ABR: variants seen among roughly 807,000 people sequenced by gnomAD.
ABR encodes the protein ABR activator of RhoGEF and GTPase.
Under a neutral mutation model 107.2 loss-of-function variants are expected in ABR, and 35 were observed. That is an observed-to-expected ratio of 0.33 (90% CI 0.25 to 0.43). ABR has a LOEUF of 0.43. Ranked by LOEUF, ABR falls within the 20% of genes least tolerant of loss-of-function variation. The probability of loss-of-function intolerance (pLI) is 1.00; values close to 1 mark genes in which losing one functional copy is unlikely to be tolerated. For synonymous variants in ABR, 498 were observed against 462.0 expected (o/e 1.08, Z -1.00); for missense variants, 815 against 1,115.2 (o/e 0.73, Z 3.83).
At chr17:1,101,894 C>T (rs924035459) in intron 2 of ABR, among the ~76,000 whole-genome samples, 6 of 152,066 alleles carry the variant, frequency 3.9e-5, no homozygotes, top group Non-Finnish European at 8.8e-5. Context: ...CCACCACGCC[C>T]AGCTAACTTT....
intron 1 of ABR, chr17:1,178,084 T>C (rs932175895): frequency 6.6e-6 from 1 of 152,174 alleles, no homozygotes; most frequent in African/African-American, 2.4e-5. Flanking sequence ...GGAAGGAACA[T>C]GGATGGAGGA....
intron 10 of ABR, among the ~76,000 whole-genome samples, chr17:1,064,115 G>A (rs56039641): frequency 5.1e-3 from 404 of 79,178 alleles, no homozygotes; most frequent in African/African-American, 0.012. Flanking sequence ...AGACACTGTT[G>A]TTATGTGAAC....
At chr17:1,007,107 A>G (rs1019425841) in intron 22 of ABR, 58 bp downstream of exon 22, 1 of 489,144 alleles carries the variant, frequency 2.0e-6, no homozygotes, top group Non-Finnish European at 3.6e-6. Context: ...TACCTGCGCC[A>G]TGACGTCATG....
At chr17:1,109,172 C>G (rs1486253140) in intron 2 of ABR, 1 of 1,374,442 alleles carries the variant, frequency 7.3e-7, no homozygotes, top group African/African-American at 1.5e-5. Flanking sequence ...CAGGTCTACA[C>G]CCGCGCGCCC....
At chr17:1,079,220 C>T (rs1313739718) in intron 6 of ABR, 110 bp downstream of exon 6, 12 of 1,511,328 alleles carry the variant, frequency 7.9e-6, no homozygotes, top group South Asian at 6.1e-5. Context: ...CGCTCACACG[C>T]GCTCACACAC....
chr17:1,143,503 TCGC>T (rs2040399403), intron 1 of ABR, among the ~76,000 whole-genome samples: 1 of 31,904 alleles, frequency 3.1e-5, no homozygotes, highest in Non-Finnish European at 1.2e-4. Context: ...GGGGGGCAGC[TCGC>T]TCCTGGGGGA....
chr17:1,027,311 G>A lies in ABR; in HGVS notation c.1792-14147C>T, dbSNP rs984558480. 2.6e-5 allele frequency among the ~76,000 whole-genome samples: 4 copies of A among 152,228 alleles called. No individual in the cohort carries two copies. The highest frequency in any genetic ancestry group is 2.6e-4 in the Admixed American group (4 of 15,284). On this transcript the variant is annotated intron_variant, in intron 16 of 22. Transcript: ENST00000302538. The surrounding 1 kb of genome is among the most constrained non-coding windows in gnomAD (Gnocchi z 4.7). ...GACCAGCGCCCTTCTACCCTCCCTA[G>A]GTACCAAGAAGCGGCACCTTGCCAA...
intron 1 of ABR, among the ~76,000 whole-genome samples, chr17:1,176,443 C>A (rs978542601): frequency 2.0e-5 from 3 of 152,214 alleles, no homozygotes; most frequent in Admixed American, 2.0e-4. Context: ...TCCAGCTCAG[C>A]CATTTGTTAC....
At chr17:1,007,596 C>T (rs2070156954) in intron 21 of ABR, among the ~76,000 whole-genome samples, 1 of 152,238 alleles carries the variant, frequency 6.6e-6, no homozygotes, top group South Asian at 2.1e-4. Flanking sequence ...CCAACTCCAG[C>T]TCCCTTGCCT....
In ABR at chr17:1,154,024, C is replaced by A. The variant is rs967360281; in HGVS notation, c.61+25643G>T. ...CAGCTCACATGGCTCTGCTCCCACT[C>A]GGGGGCGGGCGCGTGGGAGGACCAA... On this transcript the variant is annotated intron_variant, in intron 1 of 22. Transcript: ENST00000302538. The surrounding 1 kb of genome is among the most constrained non-coding windows in gnomAD (Gnocchi z 4.0). 2.6e-5 allele frequency: 4 copies of A among 155,888 alleles called. No individual in the cohort carries two copies. In the South Asian group the frequency reaches 5.6e-4, roughly 22 times the overall value. 9.7% of individuals were successfully genotyped at this position (155,888 alleles called of 1,614,324 possible). A position where few individuals can be genotyped will look rare whatever the true frequency, so the allele number is the denominator to read the frequency against.
intron 1 of ABR, among the ~76,000 whole-genome samples, chr17:1,144,516 C>T (rs2040448401): frequency 6.6e-6 from 1 of 151,990 alleles, no homozygotes; most frequent in Admixed American, 6.6e-5. Flanking sequence ...CACAGGGCTG[C>T]CCCTGTGGAG....
chr17:1,086,214 A>G (rs2036581585), intron 4 of ABR, among the ~76,000 whole-genome samples: 2 of 152,200 alleles, frequency 1.3e-5, no homozygotes, highest in Non-Finnish European at 2.9e-5. Flanking sequence ...AGCTATTTCC[A>G]TTAGACAGCA....
At position 1,005,985 on chromosome 17, in the gene ABR, T is replaced by G; in HGVS notation, c.*95A>C. The G allele has an allele frequency of 8.6e-7, 1 of 1,157,910 alleles. No individual in the cohort carries two copies. 71.7% of individuals were successfully genotyped at this position (1,157,910 alleles called of 1,614,324 possible). A position where few individuals can be genotyped will look rare whatever the true frequency, so the allele number is the denominator to read the frequency against. On this transcript the variant is annotated 3_prime_UTR_variant, in exon 23 of 23. Coordinates refer to ENST00000302538, the MANE Select transcript of ABR (RefSeq NM_021962.5). ...CTTCCCTCGAGTCTGGAGTGCTGGG[T>G]TTGGGAGTTTTCTATTGCAGTCTTT...
rs2032979993 is a variant in ABR at position 1,054,467 on chromosome 17, C to T, written c.1561+1568G>A. Among the ~76,000 whole-genome samples, 3 of 148,724 alleles carry T rather than the reference C, an allele frequency of 2.0e-5. No homozygotes were observed. The South Asian group carries it at 6.2e-4, about 31-fold the overall frequency. ...TGAGCAGGATGGGGGCACAAGGAAC[C>T]TCAGGGGATGGGGGCACAAGGAACC... On this transcript the variant is annotated intron_variant, in intron 14 of 22. Transcript: ENST00000302538.
chr17:1,188,685 T>G (rs952856894), upstream of ABR, among the ~76,000 whole-genome samples: 1 of 152,198 alleles, frequency 6.6e-6, no homozygotes, highest in East Asian at 1.9e-4. Context: ...CGTTGAGAAC[T>G]CTACCTGGTT....
intron 16 of ABR, 61 bp from the exon 17 acceptor site, chr17:1,013,225 C>T: frequency 6.5e-7 from 1 of 1,538,188 alleles, no homozygotes; most frequent in Non-Finnish European, 9.0e-7. Context: ...AGAGATCTCC[C>T]CGTGGGTCAG....
chr17:1,167,376 A>G (rs1206099067), intron 1 of ABR, among the ~76,000 whole-genome samples: 4 of 147,726 alleles, frequency 2.7e-5, no homozygotes, highest in East Asian at 2.0e-4. Context: ...CAGCATCTTC[A>G]TAGCCACCCC....
At chr17:1,024,004 G>A (rs931663452) in intron 16 of ABR, among the ~76,000 whole-genome samples, 14 of 122,572 alleles carry the variant, frequency 1.1e-4, no homozygotes, top group South Asian at 5.5e-4. Flanking sequence ...CAGCCTGGGC[G>A]ACAGAGCGAG....
At chr17:1,213,485 A>G (rs1215499863) in intron 1 of ABR, among the ~76,000 whole-genome samples, 4 of 151,644 alleles carry the variant, frequency 2.6e-5, no homozygotes, top group Non-Finnish European at 4.4e-5. Context: ...CGCCTCCCAG[A>G]TCCACACCAT....
Sources: allele counts gnomAD v4.1 joint callset (sites outside exome capture counted in the v4.1 genomes callset), GRCh38; gene constraint gnomAD v4.1.1; non-coding constraint Gnocchi (gnomAD v3.1); transcripts MANE v1.5; gene names NCBI Gene and HGNC (gene_info 2026-07-23, HGNC 2026-07-21).